The following KLF8 variants were observed in gnomAD, a reference collection of about 807,000 sequenced individuals.
The protein encoded by KLF8 is Krueppel-like factor 8.
A neutral mutation model predicts 18.2 loss-of-function variants in KLF8; 10 were observed. The ratio of observed to expected loss-of-function variants is 0.55; its 90% CI spans 0.34 to 0.93. The LOEUF (loss-of-function observed/expected upper bound fraction) is 0.93. Ranked by LOEUF, KLF8 falls within the 40% of genes least tolerant of loss-of-function variation. The pLI is 0.02. For synonymous variants in KLF8, 109 were observed against 97.3 expected (o/e 1.12, Z -0.71); for missense variants, 264 against 277.9 (o/e 0.95, Z 0.36).
At chrX:56,058,269 CATATATAT>C in the KLF8 span, among the ~76,000 whole-genome samples, 1 of 15,959 alleles carries the variant, frequency 6.3e-5, no homozygotes, top group African/African-American at 2.1e-4. Context: ...CATATATATA[CATATATAT>C]ACATATATAT....
At chrX:56,044,722 C>G in the KLF8 span, among the ~76,000 whole-genome samples, 1 of 112,172 alleles carries the variant, frequency 8.9e-6, no homozygotes, top group Non-Finnish European at 1.9e-5. Context: ...CCTGGGAAGT[C>G]AGACCCATCT....
At chrX:56,249,544 G>A (rs1292253373) in intron 1 of KLF8, among the ~76,000 whole-genome samples, 3 of 110,681 alleles carry the variant, frequency 2.7e-5, no homozygotes, top group South Asian at 7.6e-4. Context: ...GGGTTCTGCA[G>A]AGGATAGTCT....
chrX:56,039,492 T>C, the KLF8 span, among the ~76,000 whole-genome samples: 1 of 112,020 alleles, frequency 8.9e-6, no homozygotes, highest in Non-Finnish European at 1.9e-5. Flanking sequence ...CTTGTCTTTG[T>C]CAAGTTTGCC....
In KLF8 at chrX:56,265,193, T is replaced by C. The variant is rs2066952381; in HGVS notation, c.95T>C (p.Val32Ala). The change falls in exon 3 of 6, where the codon GTT becomes GCT. Residue 32 changes from valine to alanine, a missense_variant. Coordinates refer to ENST00000468660, the MANE Select transcript of KLF8 (RefSeq NM_007250.5). ...MQVFKQVTAS[V>A]RNRDPPEIEY... ...TATTTATTTAAGGTCACTGCTTCTG[T>C]TCGGAACAGAGATCCCCCTGAGATA... The C allele has an allele frequency of 1.7e-6, 2 of 1,197,313 alleles. No homozygotes were observed. The highest frequency in any genetic ancestry group is 2.2e-5 in the Admixed American group (1 of 44,977).
chrX:56,157,152 A>T, the KLF8 span, among the ~76,000 whole-genome samples: 3 of 104,403 alleles, frequency 2.9e-5, no homozygotes, highest in East Asian at 9.8e-4. Flanking sequence ...ACCAAACATC[A>T]CATGTTCTCT....
chrX:56,095,250 G>T, the KLF8 span, among the ~76,000 whole-genome samples: 7 of 112,151 alleles, frequency 6.2e-5, no homozygotes, highest in African/African-American at 2.3e-4. Flanking sequence ...AAATGGTACT[G>T]GGAAAATTAA....
At chrX:55,976,131 T>C in the KLF8 span, among the ~76,000 whole-genome samples, 1 of 111,866 alleles carries the variant, frequency 8.9e-6, no homozygotes, top group Non-Finnish European at 1.9e-5. Context: ...AAAACATGTA[T>C]TCATATTTTC....
chrX:56,081,213 A>G, the KLF8 span, among the ~76,000 whole-genome samples: 1 of 111,161 alleles, frequency 9.0e-6, no homozygotes, highest in Non-Finnish European at 1.9e-5. Context: ...TTGGAGGAGG[A>G]GAGGCGCTCT....
chrX:56,162,947 G>A, the KLF8 span, among the ~76,000 whole-genome samples: 7 of 111,942 alleles, frequency 6.3e-5, no homozygotes, highest in Non-Finnish European at 1.3e-4. Context: ...TAGCTTCATA[G>A]TATTCCATGG....
At chrX:56,048,467 G>C in the KLF8 span, among the ~76,000 whole-genome samples, 2 of 111,869 alleles carry the variant, frequency 1.8e-5, no homozygotes, top group African/African-American at 6.5e-5. Context: ...AAGGGATCCA[G>C]TTTCAGCTTT....
At chrX:56,019,971 A>G in the KLF8 span, among the ~76,000 whole-genome samples, 1 of 111,922 alleles carries the variant, frequency 8.9e-6, no homozygotes, top group African/African-American at 3.2e-5. Context: ...GCTGACTGCA[A>G]TGTGACAGAA....
the KLF8 span, among the ~76,000 whole-genome samples, chrX:56,125,620 T>A: frequency 8.9e-6 from 1 of 112,487 alleles, no homozygotes; most frequent in African/African-American, 3.2e-5. Context: ...TCTGCATCAC[T>A]GCCAGTAGTT....
At chrX:56,047,387 G>C in the KLF8 span, among the ~76,000 whole-genome samples, 1 of 108,205 alleles carries the variant, frequency 9.2e-6, no homozygotes, top group Non-Finnish European at 1.9e-5. Flanking sequence ...TTTAGCATTA[G>C]GTATATCTCC....
the KLF8 span, among the ~76,000 whole-genome samples, chrX:56,148,500 G>T: frequency 9.0e-6 from 1 of 111,522 alleles, no homozygotes; most frequent in Non-Finnish European, 1.9e-5. Context: ...TGAAGTAGAA[G>T]TAGCAAAAGG....
the KLF8 span, among the ~76,000 whole-genome samples, chrX:56,023,627 T>C: frequency 9.1e-6 from 1 of 109,855 alleles, no homozygotes; most frequent in Non-Finnish European, 1.9e-5. Context: ...CAAAGCTTGT[T>C]ATATACACTG....
At chrX:56,226,874 A>C in the KLF8 span, among the ~76,000 whole-genome samples, 1 of 112,267 alleles carries the variant, frequency 8.9e-6, no homozygotes, top group African/African-American at 3.2e-5. Context: ...GCTCCAGGGT[A>C]AACTGCTCCA....
chrX:56,236,302 G>A (rs953942760), intron 1 of KLF8, among the ~76,000 whole-genome samples: 1 of 111,709 alleles, frequency 9.0e-6, no homozygotes, highest in Non-Finnish European at 1.9e-5. Context: ...CTGTACTTTA[G>A]TTGTCATATC....
the KLF8 span, among the ~76,000 whole-genome samples, chrX:55,982,329 G>C: frequency 1.8e-5 from 2 of 111,551 alleles, no homozygotes; most frequent in African/African-American, 6.5e-5. Flanking sequence ...TATCAATTAA[G>C]GTCAGAGGCC....
At chrX:56,165,588 T>C in the KLF8 span, among the ~76,000 whole-genome samples, 164 of 112,126 alleles carry the variant, frequency 1.5e-3, 2 homozygotes, top group African/African-American at 4.6e-3. Context: ...AAAATCTGTC[T>C]GGGCACGGTG....
Sources: allele counts gnomAD v4.1 joint callset (sites outside exome capture counted in the v4.1 genomes callset), GRCh38; gene constraint gnomAD v4.1.1; transcripts MANE v1.5; gene names NCBI Gene and HGNC (gene_info 2026-07-23, HGNC 2026-07-21).